Variants in CFAP47 observed in about 807,000 individuals in gnomAD.
CFAP47 encodes the protein cilia and flagella associated protein 47.
In CFAP47, 29 loss-of-function variants were observed where a neutral mutation model predicts 148.1. The observed-to-expected ratio is 0.20, with a 90% CI of 0.15 to 0.27. The LOEUF (loss-of-function observed/expected upper bound fraction) is 0.27, where lower values mean the gene tolerates loss of function less well. Ranked by LOEUF, CFAP47 falls within the 10% of genes least tolerant of loss-of-function variation. The probability of loss-of-function intolerance (pLI) is 1.00; values close to 1 mark genes in which losing one functional copy is unlikely to be tolerated. For synonymous variants in CFAP47, 664 were observed against 577.3 expected, an observed-to-expected ratio of 1.15 and a Z score of -2.15; for missense variants, 1,872 against 1,697.5, an observed-to-expected ratio of 1.10 and a Z score of -1.81.
At chrX:36,205,380 G>A (rs782110636) in intron 45 of CFAP47, among the ~76,000 whole-genome samples, 2 of 111,908 alleles carry the variant, frequency 1.8e-5, no homozygotes, top group Non-Finnish European at 3.8e-5. Flanking sequence ...TTGTTAAAGA[G>A]TGGTAATCTG....
intron 18 of CFAP47, among the ~76,000 whole-genome samples, chrX:35,995,843 G>A (rs1269755882): frequency 9.0e-6 from 1 of 111,084 alleles, no homozygotes; most frequent in Non-Finnish European, 1.9e-5. Context: ...GAAAGAAATT[G>A]AATAAAGGAA....
intron 15 of CFAP47, among the ~76,000 whole-genome samples, chrX:35,987,119 C>T (rs1936726582): frequency 8.9e-6 from 1 of 111,839 alleles, no homozygotes; most frequent in Non-Finnish European, 1.9e-5. Context: ...TGTCCCTTAG[C>T]AGAGCTCGAG....
At chrX:36,147,130 A>G (rs1939247260) in intron 36 of CFAP47, among the ~76,000 whole-genome samples, 1 of 112,289 alleles carries the variant, frequency 8.9e-6, no homozygotes, top group African/African-American at 3.2e-5. Flanking sequence ...TGGTCAGTGA[A>G]AAAACATAGA....
At chrX:36,141,971 T>C (rs1382370499) in intron 35 of CFAP47, among the ~76,000 whole-genome samples, 1 of 111,014 alleles carries the variant, frequency 9.0e-6, no homozygotes, top group Non-Finnish European at 1.9e-5. Flanking sequence ...CCATTGCATA[T>C]CATTGACCGG....
chrX:36,036,132 A>G (rs772696374), intron 24 of CFAP47, among the ~76,000 whole-genome samples: 1 of 111,352 alleles, frequency 9.0e-6, no homozygotes, highest in South Asian at 3.7e-4. Flanking sequence ...ATCATCACCC[A>G]TGTTGTACAT....
intron 39 of CFAP47, among the ~76,000 whole-genome samples, chrX:36,169,813 A>G (rs1039111566): frequency 3.6e-5 from 4 of 111,622 alleles, no homozygotes; most frequent in Non-Finnish European, 7.5e-5. Flanking sequence ...TGCTGCAGCA[A>G]TCTCACACAT....
chrX:36,026,869 G>A (rs977537789), intron 22 of CFAP47, among the ~76,000 whole-genome samples: 9 of 109,356 alleles, frequency 8.2e-5, no homozygotes, highest in East Asian at 2.9e-4. Context: ...GATATAATTC[G>A]ATTGAATATA....
chrX:36,041,764 A>C (rs2146728261), intron 25 of CFAP47, among the ~76,000 whole-genome samples: 1 of 109,942 alleles, frequency 9.1e-6, no homozygotes, highest in South Asian at 3.9e-4. Context: ...TCTACTAAAA[A>C]TATTAAAAAT....
chrX:36,269,188 T>C (rs1276225569), intron 49 of CFAP47, among the ~76,000 whole-genome samples: 1 of 111,920 alleles, frequency 8.9e-6, no homozygotes, highest in Admixed American at 9.5e-5. Flanking sequence ...AAATAACTCA[T>C]AGAAAAAGGT....
intron 26 of CFAP47, among the ~76,000 whole-genome samples, chrX:36,061,452 C>T (rs1278758332): frequency 8.9e-6 from 1 of 112,026 alleles, no homozygotes; most frequent in African/African-American, 3.2e-5. Flanking sequence ...ATGAGCTCTA[C>T]TCATACTCAA....
intron 45 of CFAP47, among the ~76,000 whole-genome samples, chrX:36,208,694 G>T (rs782779087): frequency 1.3e-4 from 14 of 111,710 alleles, no homozygotes; most frequent in Non-Finnish European, 2.6e-4. Flanking sequence ...GGTGAGGTGC[G>T]GTGGCTCATG....
At chrX:36,054,220 G>A (rs939975290) in intron 26 of CFAP47, among the ~76,000 whole-genome samples, 1 of 111,864 alleles carries the variant, frequency 8.9e-6, no homozygotes, top group East Asian at 2.8e-4. Context: ...CACCCCCACT[G>A]TGGCTACCCA....
chrX:36,240,813 G>A (rs1486087345), intron 48 of CFAP47, among the ~76,000 whole-genome samples: 2 of 111,823 alleles, frequency 1.8e-5, no homozygotes, highest in Non-Finnish European at 3.8e-5. Context: ...TTACTGTATA[G>A]GTGAATAGAA....
At chrX:35,952,985 GA>G (rs1387256725) in intron 6 of CFAP47, among the ~76,000 whole-genome samples, 2 of 112,008 alleles carry the variant, frequency 1.8e-5, no homozygotes, top group Non-Finnish European at 3.8e-5. Context: ...CTAGAGAGCT[GA>G]CCTCTAGGTA....
In CFAP47 at chrX:35,994,353, A is replaced by T. The variant is rs182788516; in HGVS notation, c.3099+1032A>T. Reference sequence around the variant, plus strand: ...GTAAGACAGGTATGTGTAAAATTTAATTGTAAAACTCAAAGACTAGAGTGT... The same window carrying T: ...GTAAGACAGGTATGTGTAAAATTTATTTGTAAAACTCAAAGACTAGAGTGT... On this transcript the variant is annotated intron_variant, in intron 18 of 63. Coordinates refer to ENST00000378653, the MANE Select transcript of CFAP47 (RefSeq NM_001304548.2). Among the ~76,000 whole-genome samples the T allele has an allele frequency of 1.5e-4, 17 of 112,299 alleles. No homozygotes were observed. The East Asian group carries it at 4.8e-3, about 31-fold the overall frequency.
At chrX:36,259,472 T>G (rs181549263) in intron 49 of CFAP47, among the ~76,000 whole-genome samples, 1 of 111,592 alleles carries the variant, frequency 9.0e-6, no homozygotes, top group African/African-American at 3.3e-5. Flanking sequence ...GATTTCTTTA[T>G]TAATAATAAC....
At chrX:36,176,330 TATGG>T (rs1206230564) in intron 39 of CFAP47, among the ~76,000 whole-genome samples, 1 of 112,270 alleles carries the variant, frequency 8.9e-6, no homozygotes, top group Non-Finnish European at 1.9e-5. Context: ...CCTCCAACTG[TATGG>T]TGGTTCTAAT....
At chrX:36,285,845 A>G (rs782492052) in intron 51 of CFAP47, 119 bp downstream of exon 51, 11 of 512,086 alleles carry the variant, frequency 2.1e-5, no homozygotes, top group Non-Finnish European at 3.1e-5. Context: ...GTATTAAGAT[A>G]AATTAGTCAA....
intron 25 of CFAP47, among the ~76,000 whole-genome samples, chrX:36,044,462 A>T (rs180897860): frequency 4.7e-3 from 534 of 112,818 alleles, no homozygotes; most frequent in Non-Finnish European, 7.8e-3. Context: ...AAGCCTGGTT[A>T]AAACTTGAAT....
Sources: allele counts gnomAD v4.1 joint callset (sites outside exome capture counted in the v4.1 genomes callset), GRCh38; gene constraint gnomAD v4.1.1; transcripts MANE v1.5; gene names NCBI Gene and HGNC (gene_info 2026-07-23, HGNC 2026-07-21).